KCNH5: variants seen among roughly 807,000 people sequenced by gnomAD.
The protein encoded by KCNH5 is voltage-gated delayed rectifier potassium channel KCNH5.
Under a neutral mutation model 96.1 loss-of-function variants are expected in KCNH5, and 46 were observed. That is an observed-to-expected ratio of 0.48 (90% confidence interval 0.38 to 0.61). The LOEUF (loss-of-function observed/expected upper bound fraction) is 0.61. Among genes scored for constraint, KCNH5 ranks in the 20% least tolerant of loss-of-function variants. The pLI is 0.00. For missense variants in KCNH5, 907 were observed against 1,225.8 expected (o/e 0.74, Z 3.88); for synonymous variants, 439 against 449.8 (o/e 0.98, Z 0.30).
At chr14:62,737,175 T>C (rs962320456) in intron 10 of KCNH5, among the ~76,000 whole-genome samples, 13 of 152,194 alleles carry the variant, frequency 8.5e-5, no homozygotes, top group Non-Finnish European at 1.8e-4. Context: ...TATCTTCAAA[T>C]AGATTATACA....
Position 62,726,863 on chromosome 14 carries a change from G to A in KCNH5, c.2020-18408C>T, listed in dbSNP as rs149136001. ...ATTGGAAATAAAAGTGTTTATCAAG[G>A]GTAGAATAAATACATACATTGAAGT... On this transcript the variant is annotated intron_variant, in intron 10 of 10. Transcript: ENST00000322893. 3.6e-3 allele frequency among the ~76,000 whole-genome samples: 542 copies of A among 152,118 alleles called. 2 individuals are homozygous for A. Among genetic ancestry groups the A allele is most frequent in the African/African-American group, 0.013 (528 of 41,488 alleles).
intron 9 of KCNH5, among the ~76,000 whole-genome samples, chr14:62,787,554 G>T (rs1373759463): frequency 6.6e-6 from 1 of 152,182 alleles, no homozygotes; most frequent in Non-Finnish European, 1.5e-5. Context: ...GATTTTTAAT[G>T]CAGATGAAAC....
intron 10 of KCNH5, among the ~76,000 whole-genome samples, chr14:62,739,603 CT>C (rs1378639273): frequency 6.6e-6 from 1 of 152,114 alleles, no homozygotes; most frequent in African/African-American, 2.4e-5. Flanking sequence ...TCAACAAATA[CT>C]TTTGATATGG....
chr14:62,863,329 G>T lies in KCNH5; in HGVS notation c.1370-13477C>A, dbSNP rs536677784. On this transcript the variant is annotated intron_variant, in intron 7 of 10. Coordinates refer to ENST00000322893, the MANE Select transcript of KCNH5 (RefSeq NM_139318.5). The stretch of plus-strand genomic sequence containing the variant: ...AGAACCACCATCCCAGTTTAAATAT[G>T]ACTGAGAATACTTTTAAAGTACTCT... 3.3e-5 allele frequency among the ~76,000 whole-genome samples: 5 copies of T among 152,224 alleles called. No individual in the cohort carries two copies. In the South Asian group the frequency reaches 6.2e-4, roughly 19 times the overall value.
chr14:62,866,509 T>C (rs1412894545), intron 7 of KCNH5, among the ~76,000 whole-genome samples: 2 of 152,162 alleles, frequency 1.3e-5, no homozygotes, highest in South Asian at 4.1e-4. Flanking sequence ...ATCAAGTTCA[T>C]TCTACCGGGC....
chr14:62,717,623 CTA>C (rs1884712746), intron 10 of KCNH5, among the ~76,000 whole-genome samples: 1 of 152,174 alleles, frequency 6.6e-6, no homozygotes, highest in Non-Finnish European at 1.5e-5. Flanking sequence ...CTGCCTAACA[CTA>C]TATACAAAAT....
intron 10 of KCNH5, among the ~76,000 whole-genome samples, chr14:62,730,225 T>G (rs1053839192): frequency 6.6e-6 from 1 of 152,184 alleles, no homozygotes; most frequent in Non-Finnish European, 1.5e-5. Flanking sequence ...CTTTTATATT[T>G]AAAAATGAAA....
intron 1 of KCNH5, among the ~76,000 whole-genome samples, chr14:63,022,583 G>C (rs1891449351): frequency 1.3e-5 from 2 of 152,012 alleles, no homozygotes; most frequent in Admixed American, 6.6e-5. Context: ...AGTCTGCCTA[G>C]CCTTAGTTCT....
chr14:62,749,014 T>C (rs1566648083), intron 10 of KCNH5, among the ~76,000 whole-genome samples: 1 of 152,208 alleles, frequency 6.6e-6, no homozygotes, highest in Non-Finnish European at 1.5e-5. Flanking sequence ...AAAGCTTTCA[T>C]AGCTTGGGTG....
At chr14:62,746,031 G>A (rs1425127550) in intron 10 of KCNH5, among the ~76,000 whole-genome samples, 1 of 152,182 alleles carries the variant, frequency 6.6e-6, no homozygotes, top group African/African-American at 2.4e-5. Flanking sequence ...AATGGGGGAA[G>A]TGGCGACAGA....
intron 9 of KCNH5, among the ~76,000 whole-genome samples, chr14:62,799,913 CA>C (rs1161760899): frequency 1.4e-5 from 2 of 144,598 alleles, no homozygotes; most frequent in Non-Finnish European, 3.0e-5. Context: ...TTTCATTAAG[CA>C]TGCAATTATT....
intron 7 of KCNH5, among the ~76,000 whole-genome samples, chr14:62,881,521 A>G (rs1354344704): frequency 1.3e-5 from 2 of 152,168 alleles, no homozygotes; most frequent in African/African-American, 2.4e-5. Context: ...GAAATAACCA[A>G]TAGGTGCCTG....
intron 8 of KCNH5, among the ~76,000 whole-genome samples, chr14:62,848,325 T>G (rs1887738426): frequency 6.6e-6 from 1 of 152,236 alleles, no homozygotes; most frequent in African/African-American, 2.4e-5. Flanking sequence ...CTCTCTCTAC[T>G]AACCATATAT....
In KCNH5 at chr14:62,803,012, G is replaced by A. The variant is rs574463603; in HGVS notation, c.1570-431C>T. Among the ~76,000 whole-genome samples, 4 of 152,256 alleles carry A rather than the reference G, an allele frequency of 2.6e-5. 1 individual carries two copies. In the South Asian group the frequency reaches 8.3e-4, roughly 32 times the overall value. ...CAAAAAAAACAAAAATTAGCTGGCC[G>A]TGGTGGTGCATGCCTGTAGTTCTAG... On this transcript the variant is annotated intron_variant, in intron 8 of 10. Transcript: ENST00000322893.
intron 7 of KCNH5, among the ~76,000 whole-genome samples, chr14:62,891,017 A>C (rs1888701120): frequency 6.6e-6 from 1 of 152,232 alleles, no homozygotes; most frequent in South Asian, 2.1e-4. Flanking sequence ...AAGAGCTAAA[A>C]GTAGAACTGC....
rs557868420 is a variant in KCNH5 at position 63,006,446 on chromosome 14, T to C, written c.224A>G (p.Lys75Arg). ...CSFMYGELTD[K>R]KTIEKVRQTF... is the part of the protein sequence containing the mutation. The stretch of plus-strand genomic sequence containing the variant: ...TTGCCTGACTTTCTCAATGGTCTTC[T>C]TGTCAGTCAATTCCCCATACATAAA... Residue 75 changes from lysine to arginine, a missense_variant, in exon 3 of 11, where the codon AAG becomes AGG. Physicochemically the swap from Lys to Arg is conservative, Grantham distance 26. This residue lies in a region of KCNH5 where 370 missense variants were observed against 561.3 expected (regional missense o/e 0.66). Coordinates refer to ENST00000322893, the MANE Select transcript of KCNH5 (RefSeq NM_139318.5). 6.0e-5 allele frequency: 96 copies of C among 1,612,050 alleles called. No homozygotes were observed. The South Asian group carries it at 1.0e-3, about 17-fold the overall frequency.
intron 10 of KCNH5, among the ~76,000 whole-genome samples, chr14:62,715,916 T>C (rs1884675626): frequency 6.6e-6 from 1 of 152,258 alleles, no homozygotes; most frequent in East Asian, 1.9e-4. Flanking sequence ...AGGTGATGCC[T>C]AATGTAAGAA....
intron 7 of KCNH5, among the ~76,000 whole-genome samples, chr14:62,939,720 A>C (rs1185713104): frequency 2.0e-5 from 3 of 152,102 alleles, no homozygotes; most frequent in Non-Finnish European, 4.4e-5. Context: ...CGGGTGGATC[A>C]CCTGAGGCCA....
intron 8 of KCNH5, among the ~76,000 whole-genome samples, chr14:62,845,949 A>G (rs1887682505): frequency 6.6e-6 from 1 of 152,136 alleles, no homozygotes; most frequent in South Asian, 2.1e-4. Flanking sequence ...AAAAGGGACG[A>G]GGCACAAGGA....
Sources: gnomAD v4.1 joint callset for allele counts (sites outside exome capture counted in the v4.1 genomes callset) on GRCh38, gnomAD v4.1.1 for gene constraint, gnomAD v4.1.1 regional missense constraint, MANE v1.5 for transcripts, NCBI Gene and HGNC (gene_info 2026-07-23, HGNC 2026-07-21) for gene names.